Variants in FASTKD1 observed in about 807,000 individuals in gnomAD.
The protein encoded by FASTKD1 is FAST kinase domain-containing protein 1, mitochondrial.
Under a neutral mutation model 90.9 loss-of-function variants are expected in FASTKD1, and 94 were observed. The ratio of observed to expected loss-of-function variants is 1.03; its 90% confidence interval spans 0.88 to 1.23. The LOEUF (loss-of-function observed/expected upper bound fraction) is 1.23. Among genes scored for constraint, FASTKD1 ranks in the 50% most tolerant of loss-of-function variants. The pLI is 0.00. For synonymous variants in FASTKD1, 319 were observed against 345.8 expected (o/e 0.92, Z 0.86); for missense variants, 945 against 993.5 (o/e 0.95, Z 0.66).
intron 9 of FASTKD1, among the ~76,000 whole-genome samples, chr2:169,542,456 A>G (rs139867301): frequency 9.9e-4 from 151 of 152,376 alleles, no homozygotes; most frequent in African/African-American, 3.5e-3. Context: ...GAAAAGGAAA[A>G]GGAAAAAGAA....
At chr2:169,543,216 C>G (rs1437216647) in intron 9 of FASTKD1, among the ~76,000 whole-genome samples, 1 of 152,166 alleles carries the variant, frequency 6.6e-6, no homozygotes, top group African/African-American at 2.4e-5. Context: ...GTAATCCCAG[C>G]ACTTTGGGAG....
chr2:169,537,402 A>G (rs1684770627), intron 11 of FASTKD1, 62 bp from the exon 12 acceptor site: 2 of 1,211,414 alleles, frequency 1.7e-6, no homozygotes, highest in Non-Finnish European at 2.3e-6. Flanking sequence ...TTTTCCTTTG[A>G]GACGGAGTTT....
At chr2:169,564,901 A>AT (rs969137401) in intron 3 of FASTKD1, among the ~76,000 whole-genome samples, 6 of 145,614 alleles carry the variant, frequency 4.1e-5, no homozygotes, top group Admixed American at 6.9e-5. Context: ...ACAGGATATC[A>AT]TTTTTTTTAC....
chr2:169,532,104 C>T (rs1684515583), intron 12 of FASTKD1, among the ~76,000 whole-genome samples: 1 of 152,044 alleles, frequency 6.6e-6, no homozygotes. Context: ...ACATACGAAC[C>T]CACTGATGAG....
chr2:169,541,358 A>G (rs906230886), intron 9 of FASTKD1, among the ~76,000 whole-genome samples: 3 of 152,180 alleles, frequency 2.0e-5, no homozygotes, highest in African/African-American at 7.2e-5. Context: ...GAAGAGATGC[A>G]CTTTCATTTC....
intron 7 of FASTKD1, among the ~76,000 whole-genome samples, chr2:169,552,140 C>T (rs1685515956): frequency 2.0e-5 from 3 of 152,062 alleles, no homozygotes; most frequent in African/African-American, 7.2e-5. Context: ...CATGAAGTGC[C>T]TATGATTTTT....
chr2:169,540,340 T>C (rs1013934281), intron 9 of FASTKD1, among the ~76,000 whole-genome samples, 161 bp from the exon 10 acceptor site: 1 of 152,196 alleles, frequency 6.6e-6, no homozygotes. Flanking sequence ...GTGGTTACCT[T>C]TGGGTGTGAG....
At position 169,537,226 on chromosome 2, in the gene FASTKD1, C is replaced by T. The variant is rs748594138; in HGVS notation, c.2188+1G>A. The T allele has an allele frequency of 9.0e-6, 14 of 1,552,078 alleles. No individual in the cohort carries two copies. The highest frequency in any genetic ancestry group is 1.2e-5 in the Non-Finnish European group (13 of 1,124,522). On this transcript the variant is annotated splice_donor_variant, in intron 12 of 14. Coordinates refer to ENST00000453153, the MANE Select transcript of FASTKD1 (RefSeq NM_024622.6). LOFTEE classifies it high-confidence loss of function. ...AACTAATAACCTACCCAATAACTTA[C>T]CTACTTTGTGGTAATAAGGCGTAAG...
chr2:169,538,127 G>C lies in FASTKD1; in HGVS notation c.1960C>G (p.Arg654Gly), dbSNP rs1461486470. 1.2e-6 allele frequency: 2 copies of C among 1,600,164 alleles called. No individual in the cohort carries two copies. Among genetic ancestry groups the C allele is most frequent in the Admixed American group, 3.6e-5 (2 of 56,292 alleles). Residue 654 changes from arginine to glycine, a missense_variant, in exon 11 of 15, where the codon CGA becomes GGA. Physicochemically the swap from Arg to Gly is moderately radical, Grantham distance 125 (BLOSUM62 -2). Transcript: ENST00000453153. ...DSQLEILSPS[R>G]SARVQFHLME... ...AGATGAAACTGGACTCTTGCACTTC[G>C]AGATGGAGATAAAACTGAAATTAAT...
intron 7 of FASTKD1, among the ~76,000 whole-genome samples, chr2:169,554,536 T>C (rs1004945862): frequency 2.2e-5 from 3 of 134,722 alleles, no homozygotes; most frequent in Non-Finnish European, 5.1e-5. Flanking sequence ...TGGTGGTATG[T>C]GCCTGTATTC....
At chr2:169,550,926 CTT>C (rs898688053) in intron 7 of FASTKD1, among the ~76,000 whole-genome samples, 1 of 152,174 alleles carries the variant, frequency 6.6e-6, no homozygotes, top group African/African-American at 2.4e-5. Flanking sequence ...AGCTACCAAT[CTT>C]GAGATACTTT....
chr2:169,542,136 C>T (rs574536853), intron 9 of FASTKD1, among the ~76,000 whole-genome samples: 1 of 152,174 alleles, frequency 6.6e-6, no homozygotes, highest in Non-Finnish European at 1.5e-5. Context: ...CTTGAAGGTA[C>T]TTATCACCAT....
chr2:169,563,511 T>C, intron 3 of FASTKD1, 161 bp from the exon 4 acceptor site: 1 of 396,082 alleles, frequency 2.5e-6, no homozygotes, highest in Non-Finnish European at 4.3e-6. Flanking sequence ...AGTTAAAAAG[T>C]CAGATACTGT....
Position 169,530,885 on chromosome 2 carries a change from A to T in FASTKD1, c.2328-184T>A, listed in dbSNP as rs1471296560. ...ATGACAAACCTATTTAGTTACACAA[A>T]ATTATTGTAAATATTTGTCTGCTTT... On this transcript the variant is annotated intron_variant, in intron 13 of 14. Transcript: ENST00000453153. 1.0e-5 allele frequency: 7 copies of T among 679,190 alleles called. No individual in the cohort carries two copies. In the Admixed American group the frequency reaches 1.3e-4, roughly 13 times the overall value. The allele number at this position is 679,190 out of a possible 1,614,324, so 42.1% of individuals were successfully genotyped here. A position where few individuals can be genotyped will look rare whatever the true frequency, so the allele number is the denominator to read the frequency against.
intron 5 of FASTKD1, among the ~76,000 whole-genome samples, chr2:169,559,113 T>G (rs966037555): frequency 6.6e-5 from 10 of 151,730 alleles, no homozygotes; most frequent in Non-Finnish European, 1.3e-4. Context: ...TAGCTGGGAC[T>G]ACAGGCGCTG....
At chr2:169,553,069 T>C (rs1685564923) in intron 7 of FASTKD1, among the ~76,000 whole-genome samples, 1 of 151,814 alleles carries the variant, frequency 6.6e-6, no homozygotes, top group Non-Finnish European at 1.5e-5. Context: ...TAGCCAGGCA[T>C]GGTGCCTCAT....
Position 169,546,644 on chromosome 2 carries a change from C to T in FASTKD1, c.1275G>A (p.Leu425=). ...EVSVLVRAIS[L]LPSPHLDEVG... is the part of the protein sequence containing the mutation. ...CTTCGTCCAAGTGAGGAGAAGGGAG[C>T]AGGGAAATAGCACGGACCAGAACAG... Residue 425 remains leucine (L), a synonymous_variant, in exon 8 of 15, where the codon CTG becomes CTA. Coordinates refer to ENST00000453153, the MANE Select transcript of FASTKD1 (RefSeq NM_024622.6). 1 of 1,614,046 alleles carries T rather than the reference C, an allele frequency of 6.2e-7. No homozygotes were observed. Among genetic ancestry groups the T allele is most frequent in the Non-Finnish European group, 8.5e-7 (1 of 1,180,000 alleles).
chr2:169,556,302 G>A (rs961012051), intron 6 of FASTKD1, among the ~76,000 whole-genome samples: 4 of 151,804 alleles, frequency 2.6e-5, no homozygotes, highest in Admixed American at 6.6e-5. Flanking sequence ...TGGGCATGGC[G>A]ACACGTGCCT....
rs751897865 is a variant in FASTKD1, at chr2:169,531,042, T to G, written c.2327+310A>C. ...CATGATGTATAGTAAGTTACTGTAA[T>G]GCAGTGTAGGAAGTGGCTAAGTGCT... On this transcript the variant is annotated intron_variant, in intron 13 of 14. Coordinates refer to ENST00000453153, the MANE Select transcript of FASTKD1 (RefSeq NM_024622.6). The G allele has an allele frequency of 6.4e-5, 43 of 671,416 alleles. No individual in the cohort carries two copies. The Admixed American group carries it at 7.5e-4, about 12-fold the overall frequency. The allele number at this position is 671,416 out of a possible 1,614,324, so 41.6% of individuals were successfully genotyped here. A position where few individuals can be genotyped will look rare whatever the true frequency, so the allele number is the denominator to read the frequency against.
Sources: gnomAD v4.1 joint callset for allele counts (sites outside exome capture counted in the v4.1 genomes callset) on GRCh38, gnomAD v4.1.1 for gene constraint, MANE v1.5 for transcripts, NCBI Gene and HGNC (gene_info 2026-07-23, HGNC 2026-07-21) for gene names.